ALK: variants seen among roughly 807,000 people sequenced by gnomAD.
ALK encodes ALK tyrosine kinase receptor.
In ALK, 74 loss-of-function variants were observed where a neutral mutation model predicts 163.1. The observed-to-expected ratio is 0.45, with a 90% CI of 0.38 to 0.55. The LOEUF (loss-of-function observed/expected upper bound fraction) is 0.55, where lower values mean the gene tolerates loss of function less well. Ranked by LOEUF, ALK falls within the 20% of genes least tolerant of loss-of-function variation. The pLI, the probability that ALK is intolerant of heterozygous loss-of-function variation, is 0.00. For missense variants in ALK, 2,063 were observed against 2,105.3 expected, an observed-to-expected ratio of 0.98 and a Z score of 0.39; for synonymous variants, 960 against 843.2, an observed-to-expected ratio of 1.14 and a Z score of -2.40.
chr2:29,216,598 G>T (rs575057399), intron 23 of ALK, among the ~76,000 whole-genome samples: 1 of 152,106 alleles, frequency 6.6e-6, no homozygotes, highest in Non-Finnish European at 1.5e-5. Context: ...GTTATGGGGG[G>T]TGTCTGGTGT....
chr2:29,828,834 T>G (rs1201866564), intron 1 of ALK, among the ~76,000 whole-genome samples: 1 of 152,096 alleles, frequency 6.6e-6, no homozygotes, highest in Non-Finnish European at 1.5e-5. Context: ...CAAAGGATTA[T>G]AAATCATGCT....
chr2:29,876,006 CTG>C (rs1666695482), intron 1 of ALK, among the ~76,000 whole-genome samples: 1 of 152,168 alleles, frequency 6.6e-6, no homozygotes, highest in South Asian at 2.1e-4. Context: ...CCACCCTTGT[CTG>C]TTTTTCTCTG....
Position 29,653,429 on chromosome 2 carries a change from G to A in ALK, c.952+41421C>T, listed in dbSNP as rs980844998. On this transcript the variant is annotated intron_variant, in intron 3 of 28. Transcript: ENST00000389048. The stretch of plus-strand genomic sequence containing the variant: ...TTTGACCAGACCAAGAATTAGACTC[G>A]AGAAGCTCCTCACTGAGAAACTGTG... Among the ~76,000 whole-genome samples the A allele has an allele frequency of 6.6e-5, 10 of 152,168 alleles. No homozygotes were observed. In the South Asian group the frequency reaches 1.2e-3, roughly 19 times the overall value.
chr2:29,257,281 A>G (rs1664973312), intron 11 of ALK, among the ~76,000 whole-genome samples: 1 of 152,062 alleles, frequency 6.6e-6, no homozygotes, highest in African/African-American at 2.4e-5. Context: ...TCTTACACAT[A>G]CCCCATACTG....
intron 3 of ALK, among the ~76,000 whole-genome samples, chr2:29,616,865 T>C (rs1675862700): frequency 6.6e-6 from 1 of 152,194 alleles, no homozygotes; most frequent in African/African-American, 2.4e-5. Flanking sequence ...AGCCAAATTC[T>C]ACCTCATTTT....
chr2:29,655,756 C>T (rs1677166330), intron 3 of ALK, among the ~76,000 whole-genome samples: 1 of 152,174 alleles, frequency 6.6e-6, no homozygotes, highest in South Asian at 2.1e-4. Context: ...TCTAGATACT[C>T]TTCATAGAAA....
intron 13 of ALK, among the ~76,000 whole-genome samples, chr2:29,235,861 T>A (rs1204074079): frequency 9.6e-6 from 1 of 103,990 alleles, no homozygotes; most frequent in Non-Finnish European, 2.0e-5. Context: ...CTCGACTTTT[T>A]TTTTTTTTTT....
chr2:29,201,966 G>C (rs771240746), intron 26 of ALK, among the ~76,000 whole-genome samples: 7 of 151,942 alleles, frequency 4.6e-5, no homozygotes, highest in Non-Finnish European at 1.0e-4. Flanking sequence ...ATAAAGCAAA[G>C]ATCATATCAC....
intron 2 of ALK, among the ~76,000 whole-genome samples, chr2:29,699,599 A>G (rs1049810556): frequency 6.6e-6 from 1 of 152,318 alleles, no homozygotes; most frequent in South Asian, 2.1e-4. Context: ...TCATATCTGA[A>G]AAGCCTTCTT....
In ALK at chr2:29,225,486, G is replaced by C. The variant is rs2148176361; in HGVS notation, c.3147C>G (p.Val1049=). ...CAATCATGATGCCGGAGAAAGCCAG[G>C]ACCAGGGCGGCCACGAGGGCAGAGG... The part of the protein sequence containing the change: ...VVTSALVAAL[V]LAFSGIMIVY... Residue 1049 remains valine, a synonymous_variant, in exon 19 of 29, where the codon GTC becomes GTG. Transcript: ENST00000389048. The C allele has an allele frequency of 6.2e-7, 1 of 1,613,406 alleles. No individual in the cohort carries two copies.
At chr2:29,444,322 C>T (rs1363165392) in intron 4 of ALK, among the ~76,000 whole-genome samples, 1 of 152,144 alleles carries the variant, frequency 6.6e-6, no homozygotes, top group Non-Finnish European at 1.5e-5. Context: ...AGGCAGGTGG[C>T]CAAGTCTGGG....
chr2:29,527,900 G>C (rs1316273933), intron 4 of ALK, among the ~76,000 whole-genome samples: 1 of 152,104 alleles, frequency 6.6e-6, no homozygotes, highest in Admixed American at 6.5e-5. Context: ...AACCAACATG[G>C]AAAGGGGAGG....
intron 4 of ALK, among the ~76,000 whole-genome samples, chr2:29,461,546 C>T (rs549058011): frequency 5.9e-5 from 9 of 152,102 alleles, no homozygotes; most frequent in Admixed American, 4.6e-4. Flanking sequence ...ATCTACTCTG[C>T]CTGTGCCCTA....
intron 4 of ALK, among the ~76,000 whole-genome samples, chr2:29,410,461 T>C (rs1007566982): frequency 1.3e-4 from 20 of 152,190 alleles, no homozygotes; most frequent in Admixed American, 1.2e-3. Context: ...CCTAAATGTG[T>C]AAAATGGAGC....
intron 5 of ALK, among the ~76,000 whole-genome samples, chr2:29,329,181 G>C (rs1230111628): frequency 6.6e-6 from 1 of 152,130 alleles, no homozygotes; most frequent in Non-Finnish European, 1.5e-5. Context: ...ATCCAGAGGG[G>C]GAAGGGATGG....
chr2:29,224,391 C>CAG (rs1178697450), intron 19 of ALK, among the ~76,000 whole-genome samples: 5 of 152,152 alleles, frequency 3.3e-5, no homozygotes, highest in African/African-American at 1.2e-4. Context: ...CTAACCACTG[C>CAG]CACTCCCCAC....
chr2:29,647,459 C>G (rs1321573346), intron 3 of ALK, among the ~76,000 whole-genome samples: 3 of 152,180 alleles, frequency 2.0e-5, no homozygotes, highest in Non-Finnish European at 1.5e-5. Context: ...TAATTCCCAC[C>G]TAACCAGAAT....
chr2:29,472,069 C>T (rs1002341822), intron 4 of ALK, among the ~76,000 whole-genome samples: 2 of 152,176 alleles, frequency 1.3e-5, no homozygotes, highest in Non-Finnish European at 1.5e-5. Flanking sequence ...AAGGCAAGAT[C>T]ACAGGTGGCA....
chr2:29,857,820 G>A (rs547517018), intron 1 of ALK, among the ~76,000 whole-genome samples: 12 of 152,232 alleles, frequency 7.9e-5, no homozygotes, highest in Non-Finnish European at 1.5e-5. Flanking sequence ...GCAAGTGTTA[G>A]GGCTAGAAGT....
Sources: gnomAD v4.1 joint callset for allele counts (sites outside exome capture counted in the v4.1 genomes callset) on GRCh38, gnomAD v4.1.1 for gene constraint, MANE v1.5 for transcripts, NCBI Gene and HGNC (gene_info 2026-07-23, HGNC 2026-07-21) for gene names.